The following LRRC26 variants were observed in gnomAD, a reference collection of about 807,000 sequenced individuals.
The protein encoded by LRRC26 is leucine rich repeat containing 26, also known as leucine-rich repeat-containing protein 26.
A neutral mutation model predicts 15.3 loss-of-function variants in LRRC26; 17 were observed. The ratio of observed to expected loss-of-function variants is 1.11; its 90% CI spans 0.76 to 1.66. LRRC26 has a LOEUF of 1.66. Ranked by LOEUF, LRRC26 falls within the 40% of genes most tolerant of loss-of-function variation. The probability of loss-of-function intolerance (pLI) is 0.00; values close to 1 mark genes in which losing one functional copy is unlikely to be tolerated. For missense variants in LRRC26, 573 were observed against 501.0 expected, an observed-to-expected ratio of 1.14 and a Z score of -1.37; for synonymous variants, 301 against 272.1, an observed-to-expected ratio of 1.11 and a Z score of -1.05.
rs751091803 is a variant in LRRC26 at position 137,168,868 on chromosome 9, C to T, written c.991G>A (p.Ala331Thr). The change falls in exon 2 of 2, where the codon GCC (alanine) becomes ACC (threonine). Residue 331 changes from alanine to threonine, a missense_variant. By Grantham distance (58) the Ala-to-Thr change is moderately conservative. Transcript: ENST00000371542. ...GCCGCGGCCGCTCAGGCTTGGGCGG[C>T]AGCGGCGGGGCTCCCCGGGTCCGCG... ...SPADPGSPAA[A>T]AQA 2 of 1,249,990 alleles carry T rather than the reference C, an allele frequency of 1.6e-6. No individual in the cohort carries two copies. Among genetic ancestry groups the T allele is most frequent in the East Asian group, 6.4e-5 (2 of 31,452 alleles). 77.4% of individuals were successfully genotyped at this position (1,249,990 alleles called of 1,614,324 possible). A position where few individuals can be genotyped will look rare whatever the true frequency, so the allele number is the denominator to read the frequency against.
At position 137,169,361 on chromosome 9, in the gene LRRC26, C is replaced by T. The variant is rs775080649; in HGVS notation, c.583G>A (p.Ala195Thr). 3.7e-5 allele frequency: 54 copies of T among 1,479,450 alleles called. No individual in the cohort carries two copies. The highest frequency in any genetic ancestry group is 4.6e-5 in the Non-Finnish European group (52 of 1,124,264). The allele number at this position is 1,479,450 out of a possible 1,614,324, so 91.6% of individuals were successfully genotyped here. A position where few individuals can be genotyped will look rare whatever the true frequency, so the allele number is the denominator to read the frequency against. The change falls in exon 1 of 2, where the codon GCG becomes ACG. Residue 195 changes from alanine (A) to threonine (T), a missense_variant. Ala to Thr is a moderately conservative substitution (Grantham distance 58, BLOSUM62 0). Transcript: ENST00000371542. The part of the protein sequence containing the change: ...GLLGRLPALD[A>T]LHLRGNPWGC... Reference sequence around the variant, plus strand: ...CAAGGGTTGCCGCGCAGGTGCAGCGCGTCTAGAGCGGGCAGGCGGCCCAGC... The same window carrying T: ...CAAGGGTTGCCGCGCAGGTGCAGCGTGTCTAGAGCGGGCAGGCGGCCCAGC...
In LRRC26 at chr9:137,169,489, C is replaced by T. The variant is rs1191818342; in HGVS notation, c.455G>A (p.Gly152Asp). ...GGGCTCCAGGCGCGCCAGCCGGTTG[C>T]CGGCCAATGAGAGGTTGCGCAGCGC... ...LRALRNLSLA[G>D]NRLARLEPAA... is the part of the protein sequence containing the mutation. The change falls in exon 1 of 2, where the codon GGC becomes GAC. Residue 152 changes from glycine (G) to aspartate (D), a missense_variant. By Grantham distance (94) the Gly-to-Asp change is moderately conservative. Transcript: ENST00000371542. 2.0e-6 allele frequency: 3 copies of T among 1,521,578 alleles called. No homozygotes were observed. Among genetic ancestry groups the T allele is most frequent in the East Asian group, 2.6e-5 (1 of 38,866 alleles). 94.3% of individuals were successfully genotyped at this position (1,521,578 alleles called of 1,614,324 possible).
Position 137,169,959 on chromosome 9 carries a change from G to GC in LRRC26, c.-17dup. ...GGCCCCGCATGGGGGCAGCCCCCCC[G>GC]CCCCCGGCACCCGCGGTGGGAGGCC... is the stretch of plus-strand genomic sequence containing the variant. On this transcript the variant is annotated 5_prime_UTR_variant, in exon 1 of 2. Transcript: ENST00000371542. 1 of 1,400,690 alleles carries GC rather than the reference G, an allele frequency of 7.1e-7. No individual in the cohort carries two copies. The highest frequency in any genetic ancestry group is 9.2e-7 in the Non-Finnish European group (1 of 1,089,544). The allele number at this position is 1,400,690 out of a possible 1,614,324, so 86.8% of individuals were successfully genotyped here.
rs772732560 is a variant in LRRC26, at chr9:137,169,162, A to C, written c.697T>G (p.Trp233Gly). The C allele has an allele frequency of 3.3e-6, 5 of 1,525,966 alleles. No homozygotes were observed. The highest frequency in any genetic ancestry group is 4.4e-6 in the Non-Finnish European group (5 of 1,143,248). 94.5% of individuals were successfully genotyped at this position (1,525,966 alleles called of 1,614,324 possible). A position where few individuals can be genotyped will look rare whatever the true frequency, so the allele number is the denominator to read the frequency against. The change falls in exon 2 of 2, where the codon TGG becomes GGG. Residue 233 changes from tryptophan to glycine, a missense_variant. Coordinates refer to ENST00000371542, the MANE Select transcript of LRRC26 (RefSeq NM_001013653.3). Reference protein sequence around the residue: ...ASEAETVLCVWPGRLTLSPLT... With the variant: ...ASEAETVLCVGPGRLTLSPLT... ...GGGCTGAGCGTCAGGCGTCCCGGCC[A>C]CACGCAGAGCACCGTCTCGGCCTCT...
At position 137,169,507 on chromosome 9, in the gene LRRC26, C is replaced by A. The variant is rs1382669786; in HGVS notation, c.437G>T (p.Arg146Leu). Residue 146 changes from arginine to leucine, a missense_variant, in exon 1 of 2, where the codon CGC becomes CTC. Physicochemically the swap from Arg to Leu is moderately radical, Grantham distance 102. Transcript: ENST00000371542. Reference protein sequence around the residue: ...PGTFAPLRALRNLSLAGNRLA... With the variant: ...PGTFAPLRALLNLSLAGNRLA... ...CCGGTTGCCGGCCAATGAGAGGTTG[C>A]GCAGCGCGCGCAGCGGCGCGAAAGT... is the stretch of plus-strand genomic sequence containing the variant. 12 of 1,523,804 alleles carry A rather than the reference C, an allele frequency of 7.9e-6. No individual in the cohort carries two copies. The highest frequency in any genetic ancestry group is 1.1e-5 in the Non-Finnish European group (12 of 1,142,490). 94.4% of individuals were successfully genotyped at this position (1,523,804 alleles called of 1,614,324 possible). A position where few individuals can be genotyped will look rare whatever the true frequency, so the allele number is the denominator to read the frequency against.
chr9:137,169,990 C>G lies in LRRC26; in HGVS notation c.-47G>C. 1 of 1,378,794 alleles carries G rather than the reference C, an allele frequency of 7.3e-7. No individual in the cohort carries two copies. Among genetic ancestry groups the G allele is most frequent in the East Asian group, 3.1e-5 (1 of 32,486 alleles). The allele number at this position is 1,378,794 out of a possible 1,614,324, so 85.4% of individuals were successfully genotyped here. On this transcript the variant is annotated 5_prime_UTR_variant, in exon 1 of 2. Coordinates refer to ENST00000371542, the MANE Select transcript of LRRC26 (RefSeq NM_001013653.3). Reference sequence around the variant, plus strand: ...GGCACCCGCGGTGGGAGGCCCGCTGCCTGTGCGTCCCTGGAGCCCGTCGTC... The same window carrying G: ...GGCACCCGCGGTGGGAGGCCCGCTGGCTGTGCGTCCCTGGAGCCCGTCGTC...
At position 137,169,606 on chromosome 9, in the gene LRRC26, C is replaced by A; in HGVS notation, c.338G>T (p.Arg113Leu). The A allele has an allele frequency of 1.3e-6, 2 of 1,519,584 alleles. No homozygotes were observed. Among genetic ancestry groups the A allele is most frequent in the Non-Finnish European group, 1.8e-6 (2 of 1,139,852 alleles). 94.1% of individuals were successfully genotyped at this position (1,519,584 alleles called of 1,614,324 possible). A position where few individuals can be genotyped will look rare whatever the true frequency, so the allele number is the denominator to read the frequency against. The stretch of plus-strand genomic sequence containing the variant: ...CAGCGCGCCCAGGCCCCAGAAGGCT[C>A]GCACATGCACCGAGTGCAGCCCGTT... ...RENGLHSVHVRAFWGLGALQL... is the reference protein window; with the variant it reads ...RENGLHSVHVLAFWGLGALQL... Residue 113 changes from arginine to leucine, a missense_variant, in exon 1 of 2, where the codon CGA becomes CTA. Arg to Leu is a moderately radical substitution (Grantham distance 102). Transcript: ENST00000371542.
At position 137,169,160 on chromosome 9, in the gene LRRC26, C is replaced by G; in HGVS notation, c.699G>C (p.Trp233Cys). ...GGGGGCTGAGCGTCAGGCGTCCCGGCCACACGCAGAGCACCGTCTCGGCCT... is the reference window on the plus strand; with the variant it reads ...GGGGGCTGAGCGTCAGGCGTCCCGGGCACACGCAGAGCACCGTCTCGGCCT... The part of the protein sequence containing the change: ...ASEAETVLCV[W>C]PGRLTLSPLT... The change falls in exon 2 of 2, where the codon TGG (tryptophan) becomes TGC (cysteine). Residue 233 changes from tryptophan (W) to cysteine (C), a missense_variant. By Grantham distance (215) the Trp-to-Cys change is radical. Transcript: ENST00000371542. 6.5e-7 allele frequency: 1 copy of G among 1,526,802 alleles called. No individual in the cohort carries two copies. Among genetic ancestry groups the G allele is most frequent in the Non-Finnish European group, 8.7e-7 (1 of 1,143,678 alleles). The allele number at this position is 1,526,802 out of a possible 1,614,324, so 94.6% of individuals were successfully genotyped here.
In LRRC26 at chr9:137,168,916, C is replaced by T; in HGVS notation, c.943G>A (p.Asp315Asn). The change falls in exon 2 of 2, where the codon GAC becomes AAC. Residue 315 changes from aspartate to asparagine, a missense_variant. By Grantham distance (23) the Asp-to-Asn change is conservative. Transcript: ENST00000371542. ...PRPPDPNPDP[D>N]PHGCASPADP... ...GCGGGCGAGGCACAGCCGTGGGGGT[C>T]GGGATCGGGGTTCGGGTCTGGCGGT... is the stretch of plus-strand genomic sequence containing the variant. 1 of 1,332,024 alleles carries T rather than the reference C, an allele frequency of 7.5e-7. No individual in the cohort carries two copies. Among genetic ancestry groups the T allele is most frequent in the Non-Finnish European group, 9.5e-7 (1 of 1,048,172 alleles). The allele number at this position is 1,332,024 out of a possible 1,614,324, so 82.5% of individuals were successfully genotyped here.
Position 137,168,892 on chromosome 9 carries a change from C to A in LRRC26, c.967G>T (p.Ala323Ser). ...GCAGCGGCGGGGCTCCCCGGGTCCG[C>A]GGGCGAGGCACAGCCGTGGGGGTCG... The part of the protein sequence containing the change: ...DPDPHGCASP[A>S]DPGSPAAAAQ... The change falls in exon 2 of 2, where the codon GCG becomes TCG. Residue 323 changes from alanine to serine, a missense_variant. Ala to Ser is a moderately conservative substitution (Grantham distance 99, BLOSUM62 1). Transcript: ENST00000371542. The A allele has an allele frequency of 7.9e-7, 1 of 1,262,950 alleles. No homozygotes were observed. Among genetic ancestry groups the A allele is most frequent in the South Asian group, 3.3e-5 (1 of 30,316 alleles). The allele number at this position is 1,262,950 out of a possible 1,614,324, so 78.2% of individuals were successfully genotyped here.
chr9:137,169,936 C>A lies in LRRC26; in HGVS notation c.8G>T (p.Gly3Val), dbSNP rs960513734. The change falls in exon 1 of 2, where the codon GGC becomes GTC. Residue 3 changes from glycine to valine, a missense_variant. Transcript: ENST00000371542. The stretch of plus-strand genomic sequence containing the variant: ...CGGCCGAGGCCGCGACCAGGAAGGG[C>A]CCCGCATGGGGGCAGCCCCCCCGCC... MRGPSWSRPRPLL... is the reference protein window; with the variant it reads MRVPSWSRPRPLL... 2 of 1,450,064 alleles carry A rather than the reference C, an allele frequency of 1.4e-6. No individual in the cohort carries two copies. Among genetic ancestry groups the A allele is most frequent in the Non-Finnish European group, 1.8e-6 (2 of 1,111,962 alleles). 89.8% of individuals were successfully genotyped at this position (1,450,064 alleles called of 1,614,324 possible).
Position 137,169,271 on chromosome 9 carries a change from C to T in LRRC26, c.673G>A (p.Glu225Lys). 2.2e-6 allele frequency: 3 copies of T among 1,377,770 alleles called. No homozygotes were observed. Among genetic ancestry groups the T allele is most frequent in the Non-Finnish European group, 2.8e-6 (3 of 1,074,050 alleles). 85.3% of individuals were successfully genotyped at this position (1,377,770 alleles called of 1,614,324 possible). Residue 225 changes from glutamate (E) to lysine (K), a missense_variant and splice_region_variant, in exon 1 of 2, where the codon GAG (glutamate) becomes AAG (lysine). By Grantham distance (56) the Glu-to-Lys change is moderately conservative. Coordinates refer to ENST00000371542, the MANE Select transcript of LRRC26 (RefSeq NM_001013653.3). ...WLRRHPLPAS[E>K]AETVLCVWPG... ...CCGACCCGCGTCCCCAGCAGCTCAC[C>T]TGACGCGGGCAGCGGGTGCCGGCGC...
Position 137,169,948 on chromosome 9 carries a change from G to A in LRRC26, c.-5C>T. 1 of 1,423,286 alleles carries A rather than the reference G, an allele frequency of 7.0e-7. No individual in the cohort carries two copies. Among genetic ancestry groups the A allele is most frequent in the Non-Finnish European group, 9.1e-7 (1 of 1,101,212 alleles). 88.2% of individuals were successfully genotyped at this position (1,423,286 alleles called of 1,614,324 possible). A position where few individuals can be genotyped will look rare whatever the true frequency, so the allele number is the denominator to read the frequency against. On this transcript the variant is annotated 5_prime_UTR_variant, in exon 1 of 2. Coordinates refer to ENST00000371542, the MANE Select transcript of LRRC26 (RefSeq NM_001013653.3). ...CGACCAGGAAGGGCCCCGCATGGGG[G>A]CAGCCCCCCCGCCCCCGGCACCCGC...
In LRRC26 at chr9:137,169,514, C is replaced by G; in HGVS notation, c.430G>C (p.Ala144Pro). Residue 144 changes from alanine to proline, a missense_variant, in exon 1 of 2, where the codon GCG becomes CCG. Transcript: ENST00000371542. Reference protein sequence around the residue: ...LAPGTFAPLRALRNLSLAGNR... With the variant: ...LAPGTFAPLRPLRNLSLAGNR... ...CCGGCCAATGAGAGGTTGCGCAGCG[C>G]GCGCAGCGGCGCGAAAGTCCCTGGT... 1.3e-6 allele frequency: 2 copies of G among 1,523,894 alleles called. No individual in the cohort carries two copies. Among genetic ancestry groups the G allele is most frequent in the Non-Finnish European group, 1.8e-6 (2 of 1,142,478 alleles). The allele number at this position is 1,523,894 out of a possible 1,614,324, so 94.4% of individuals were successfully genotyped here.
At position 137,169,992 on chromosome 9, in the gene LRRC26, T is replaced by C. The variant is rs1834062830; in HGVS notation, c.-49A>G. On this transcript the variant is annotated 5_prime_UTR_variant, in exon 1 of 2. Transcript: ENST00000371542. ...CACCCGCGGTGGGAGGCCCGCTGCC[T>C]GTGCGTCCCTGGAGCCCGTCGTCCG... The C allele has an allele frequency of 7.3e-6, 10 of 1,377,978 alleles. No individual in the cohort carries two copies. The highest frequency in any genetic ancestry group is 8.4e-6 in the Non-Finnish European group (9 of 1,076,036). 85.4% of individuals were successfully genotyped at this position (1,377,978 alleles called of 1,614,324 possible).
At position 137,169,076 on chromosome 9, in the gene LRRC26, G is replaced by A. The variant is rs1381837164; in HGVS notation, c.783C>T (p.Asp261=). Residue 261 remains aspartate, a synonymous_variant, in exon 2 of 2, where the codon GAC becomes GAT. Coordinates refer to ENST00000371542, the MANE Select transcript of LRRC26 (RefSeq NM_001013653.3). The part of the protein sequence containing the change: ...SHCAQPLALR[D]LAVVYTLGPA... ...GCCCGAGCGTGTAAACCACGGCCAG[G>A]TCCCGCAGGGCGAGCGGCTGCGCGC... 1.3e-6 allele frequency: 2 copies of A among 1,558,282 alleles called. No homozygotes were observed. The highest frequency in any genetic ancestry group is 1.7e-6 in the Non-Finnish European group (2 of 1,159,116).
Position 137,168,764 on chromosome 9 carries a change from G to A in LRRC26, c.*90C>T, listed in dbSNP as rs1269120082. Reference sequence around the variant, plus strand: ...CTAAAGGAATGTCACGCAGTTTTCGGTCTGTGTCGCTTGTTGACGCCGGCA... The same window carrying A: ...CTAAAGGAATGTCACGCAGTTTTCGATCTGTGTCGCTTGTTGACGCCGGCA... On this transcript the variant is annotated 3_prime_UTR_variant, in exon 2 of 2. Transcript: ENST00000371542. The A allele has an allele frequency of 1.7e-5, 17 of 1,004,370 alleles. No homozygotes were observed. Among genetic ancestry groups the A allele is most frequent in the Non-Finnish European group, 2.2e-5 (17 of 788,874 alleles). The allele number at this position is 1,004,370 out of a possible 1,614,324, so 62.2% of individuals were successfully genotyped here. A position where few individuals can be genotyped will look rare whatever the true frequency, so the allele number is the denominator to read the frequency against.
Position 137,169,604 on chromosome 9 carries a change from C to A in LRRC26, c.340G>T (p.Ala114Ser). The A allele has an allele frequency of 6.6e-7, 1 of 1,523,878 alleles. No homozygotes were observed. 94.4% of individuals were successfully genotyped at this position (1,523,878 alleles called of 1,614,324 possible). A position where few individuals can be genotyped will look rare whatever the true frequency, so the allele number is the denominator to read the frequency against. ...ENGLHSVHVR[A>S]FWGLGALQLL... Reference sequence around the variant, plus strand: ...TGCAGCGCGCCCAGGCCCCAGAAGGCTCGCACATGCACCGAGTGCAGCCCG... The same window carrying A: ...TGCAGCGCGCCCAGGCCCCAGAAGGATCGCACATGCACCGAGTGCAGCCCG... The change falls in exon 1 of 2, where the codon GCC becomes TCC. Residue 114 changes from alanine to serine, a missense_variant. Ala to Ser is a moderately conservative substitution (Grantham distance 99). Coordinates refer to ENST00000371542, the MANE Select transcript of LRRC26 (RefSeq NM_001013653.3).
rs1231096707 is a variant in LRRC26, at chr9:137,169,064, A to C, written c.795T>G (p.Val265=). The C allele has an allele frequency of 1.9e-6, 3 of 1,555,422 alleles. No homozygotes were observed. The highest frequency in any genetic ancestry group is 2.6e-6 in the Non-Finnish European group (3 of 1,157,936). Residue 265 remains valine (V), a synonymous_variant, in exon 2 of 2, where the codon GTT becomes GTG. Coordinates refer to ENST00000371542, the MANE Select transcript of LRRC26 (RefSeq NM_001013653.3). ...QPLALRDLAV[V]YTLGPASFLV... The stretch of plus-strand genomic sequence containing the variant: ...GGAAGGAGGCCGGCCCGAGCGTGTA[A>C]ACCACGGCCAGGTCCCGCAGGGCGA...
Sources: allele counts gnomAD v4.1 joint callset, GRCh38; gene constraint gnomAD v4.1.1; transcripts MANE v1.5; gene names NCBI Gene and HGNC (gene_info 2026-07-23, HGNC 2026-07-21).